The following PSMD3 variants were observed in gnomAD, a reference collection of about 807,000 sequenced individuals.
PSMD3 encodes proteasome 26S subunit, non-ATPase 3.
A neutral mutation model predicts 62.8 loss-of-function variants in PSMD3; 5 were observed. The observed-to-expected ratio is 0.08, with a 90% CI of 0.04 to 0.17. PSMD3 has a LOEUF of 0.17. Among genes scored for constraint, PSMD3 ranks in the 10% least tolerant of loss-of-function variants. The probability of loss-of-function intolerance (pLI) is 1.00; values close to 1 mark genes in which losing one functional copy is unlikely to be tolerated. For synonymous variants in PSMD3, 265 were observed against 283.9 expected, an observed-to-expected ratio of 0.93 and a Z score of 0.67; for missense variants, 524 against 713.6, an observed-to-expected ratio of 0.73 and a Z score of 3.03.
At chr17:39,988,594 C>G (rs1206900209) in intron 3 of PSMD3, 89 bp from the exon 4 acceptor site, 2 of 1,451,798 alleles carry the variant, frequency 1.4e-6, no homozygotes, top group East Asian at 4.7e-5. Context: ...GCTTGCATAC[C>G]TAGGATAGGA....
At position 39,995,467 on chromosome 17, in the gene PSMD3, T is replaced by C. The variant is rs1980760661; in HGVS notation, c.1260T>C (p.Ala420=). The stretch of plus-strand genomic sequence containing the variant: ...TCTCCTATTCCCGAATCTCCTTGGC[T>C]GACATCGCCCAGAAGCTGCAGTTGG... ...ISLSYSRISL[A]DIAQKLQLDS... The change falls in exon 9 of 12, where the codon GCT becomes GCC. Residue 420 remains alanine (A), a synonymous_variant. Coordinates refer to ENST00000264639, the MANE Select transcript of PSMD3 (RefSeq NM_002809.4). The surrounding 1 kb of genome is among the most constrained non-coding windows in gnomAD (Gnocchi z 4.1). The C allele has an allele frequency of 8.1e-6, 13 of 1,614,130 alleles. No homozygotes were observed. In the East Asian group the frequency reaches 2.7e-4, roughly 33 times the overall value.
chr17:39,990,315 A>G, intron 6 of PSMD3, 118 bp downstream of exon 6: 1 of 840,178 alleles, frequency 1.2e-6, no homozygotes, highest in Non-Finnish European at 1.8e-6. Flanking sequence ...CTCCCACCTC[A>G]GCTTCCCAAA....
intron 2 of PSMD3, 52 bp downstream of exon 2, chr17:39,984,536 G>A (rs753648552): frequency 8.8e-6 from 13 of 1,485,532 alleles, no homozygotes; most frequent in Non-Finnish European, 8.3e-6. Flanking sequence ...CAGATCCCCA[G>A]GAACAGCATT....
At chr17:39,993,733 G>C (rs1370999132) in intron 6 of PSMD3, 6 of 152,268 alleles carry the variant, frequency 3.9e-5, no homozygotes, top group Non-Finnish European at 7.3e-5. Context: ...CAGAGCTCCA[G>C]CTCTGTCCTT....
intron 3 of PSMD3, among the ~76,000 whole-genome samples, chr17:39,987,454 C>T (rs866153936): frequency 6.6e-6 from 1 of 152,198 alleles, no homozygotes; most frequent in South Asian, 2.1e-4. Flanking sequence ...TTAAGTGATC[C>T]TTCCACCTCA....
intron 1 of PSMD3, among the ~76,000 whole-genome samples, chr17:39,981,644 C>A (rs117542910): frequency 6.6e-6 from 1 of 152,122 alleles, no homozygotes; most frequent in African/African-American, 2.4e-5. Flanking sequence ...TTTTTGTTGT[C>A]CTAGCTGCCT....
Position 39,980,909 on chromosome 17 carries a change from G to T in PSMD3, c.-62G>T. On this transcript the variant is annotated 5_prime_UTR_variant, in exon 1 of 12. Coordinates refer to ENST00000264639, the MANE Select transcript of PSMD3 (RefSeq NM_002809.4). ...GGCCCGGCTCGGCTCCTGGTCCCCGGTGCGAGGGTTAACGCGAGGCCCCGG... is the reference window on the plus strand; with the variant it reads ...GGCCCGGCTCGGCTCCTGGTCCCCGTTGCGAGGGTTAACGCGAGGCCCCGG... The T allele has an allele frequency of 7.1e-7, 1 of 1,400,820 alleles. No individual in the cohort carries two copies. The highest frequency in any genetic ancestry group is 2.6e-5 in the East Asian group (1 of 39,108). 86.8% of individuals were successfully genotyped at this position (1,400,820 alleles called of 1,614,324 possible).
rs761246482 is a variant in PSMD3, at chr17:39,984,502, A to T, written c.411+18A>T. 6.2e-7 allele frequency: 1 copy of T among 1,600,674 alleles called. No homozygotes were observed. The highest frequency in any genetic ancestry group is 1.1e-5 in the South Asian group (1 of 90,546). On this transcript the variant is annotated intron_variant, in intron 2 of 11. Transcript: ENST00000264639. The stretch of plus-strand genomic sequence containing the variant: ...TGGAAGAGGTGAGTGAGTCAGGCCA[A>T]CTTAAAGGGTGCAGGCCTGGCCTCA...
intron 4 of PSMD3, 83 bp downstream of exon 4, chr17:39,988,902 A>G: frequency 6.5e-7 from 1 of 1,531,470 alleles, no homozygotes. Flanking sequence ...GGATCTGCAG[A>G]GGGCGAAGAA....
At chr17:39,990,881 T>G (rs1980639385) in intron 6 of PSMD3, among the ~76,000 whole-genome samples, 1 of 152,198 alleles carries the variant, frequency 6.6e-6, no homozygotes, top group Non-Finnish European at 1.5e-5. Flanking sequence ...CTTGGCCACT[T>G]AAGAGCTGTC....
In PSMD3 at chr17:39,997,202, A is replaced by G. The variant is rs577868312; in HGVS notation, c.1477-128A>G. ...TTGATGCCTAGCCCCCCACTAGACTAACTGGAGAGGGGCCCGCCGCTTCCT... is the reference window on the plus strand; with the variant it reads ...TTGATGCCTAGCCCCCCACTAGACTGACTGGAGAGGGGCCCGCCGCTTCCT... On this transcript the variant is annotated intron_variant, in intron 10 of 11. Coordinates refer to ENST00000264639, the MANE Select transcript of PSMD3 (RefSeq NM_002809.4). 8.5e-5 allele frequency: 70 copies of G among 818,714 alleles called. No homozygotes were observed. In the African/African-American group the frequency reaches 1.1e-3, roughly 12 times the overall value. The allele number at this position is 818,714 out of a possible 1,614,324, so 50.7% of individuals were successfully genotyped here. A position where few individuals can be genotyped will look rare whatever the true frequency, so the allele number is the denominator to read the frequency against.
In PSMD3 at chr17:39,980,939, G is replaced by A; in HGVS notation, c.-32G>A. On this transcript the variant is annotated 5_prime_UTR_variant, in exon 1 of 12. Coordinates refer to ENST00000264639, the MANE Select transcript of PSMD3 (RefSeq NM_002809.4). ...AGGGTTAACGCGAGGCCCCGGCCTC[G>A]GTCCCCGGACTAGGCCGTGACCCCG... is the stretch of plus-strand genomic sequence containing the variant. 6.8e-7 allele frequency: 1 copy of A among 1,472,198 alleles called. No individual in the cohort carries two copies. Among genetic ancestry groups the A allele is most frequent in the African/African-American group, 1.4e-5 (1 of 69,886 alleles). 91.2% of individuals were successfully genotyped at this position (1,472,198 alleles called of 1,614,324 possible).
At chr17:39,982,528 C>G (rs1041677166) in intron 1 of PSMD3, among the ~76,000 whole-genome samples, 1 of 152,166 alleles carries the variant, frequency 6.6e-6, no homozygotes, top group Non-Finnish European at 1.5e-5. Flanking sequence ...AATCAGCATT[C>G]AATTTATTCC....
chr17:39,990,280 C>G, intron 6 of PSMD3, 83 bp downstream of exon 6: 3 of 1,230,548 alleles, frequency 2.4e-6, no homozygotes, highest in Non-Finnish European at 3.4e-6. Context: ...CTGGGCTGGT[C>G]TTGAACTCCT....
At chr17:39,997,401 G>C in intron 11 of PSMD3, 21 bp downstream of exon 11, 2 of 1,614,036 alleles carry the variant, frequency 1.2e-6, no homozygotes, top group South Asian at 2.2e-5. Context: ...TGCTTTCTGG[G>C]TGAGACCGAA....
intron 3 of PSMD3, 101 bp downstream of exon 3, chr17:39,986,813 C>A: frequency 7.0e-7 from 1 of 1,432,720 alleles, no homozygotes; most frequent in South Asian, 1.2e-5. Flanking sequence ...ATCATTGATT[C>A]TTAAGAACTG....
chr17:39,986,123 T>A (rs750847459), intron 2 of PSMD3, among the ~76,000 whole-genome samples: 15 of 152,144 alleles, frequency 9.9e-5, no homozygotes, highest in Non-Finnish European at 1.9e-4. Flanking sequence ...TGAGATGGGG[T>A]CTTGCTCTGT....
rs915581001 is a variant in PSMD3, at chr17:39,989,181, A to G, written c.686+362A>G. ...AAAGACAAAGTCCTTACAATACCTC[A>G]TAAGGCCTGACGTGATCTGCTCCAT... On this transcript the variant is annotated intron_variant, in intron 4 of 11. Coordinates refer to ENST00000264639, the MANE Select transcript of PSMD3 (RefSeq NM_002809.4). 3.9e-5 allele frequency among the ~76,000 whole-genome samples: 6 copies of G among 152,108 alleles called. No individual in the cohort carries two copies. In the East Asian group the frequency reaches 1.2e-3, roughly 29 times the overall value.
chr17:39,996,694 T>C lies in PSMD3; in HGVS notation c.1476+356T>C. The C allele has an allele frequency of 2.0e-6, 1 of 493,324 alleles. No individual in the cohort carries two copies. 30.6% of individuals were successfully genotyped at this position (493,324 alleles called of 1,614,324 possible). A position where few individuals can be genotyped will look rare whatever the true frequency, so the allele number is the denominator to read the frequency against. ...GGGAGGTGTTACCTGTCTTGCTTGC[T>C]TCACAGGGTTGGTAAGATTAAAAGA... On this transcript the variant is annotated intron_variant, in intron 10 of 11. Transcript: ENST00000264639. This position sits in a 1 kb window ranked among gnomAD's most constrained non-coding sequence, Gnocchi z 5.1.
Sources: allele counts gnomAD v4.1 joint callset (sites outside exome capture counted in the v4.1 genomes callset), GRCh38; gene constraint gnomAD v4.1.1; non-coding constraint Gnocchi (gnomAD v3.1); transcripts MANE v1.5; gene names NCBI Gene and HGNC (gene_info 2026-07-23, HGNC 2026-07-21).